The following TMEM114 variants were observed in gnomAD, a reference collection of about 807,000 sequenced individuals.
TMEM114 encodes claudin-26.
In TMEM114, 6 loss-of-function variants were observed where a neutral mutation model predicts 6.2. The ratio of observed to expected loss-of-function variants is 0.97; its 90% CI spans 0.53 to 1.91. The LOEUF is 1.91. TMEM114 is among the 40% of genes most tolerant of loss of function. The pLI, the probability that TMEM114 is intolerant of heterozygous loss-of-function variation, is 0.01. For synonymous variants in TMEM114, 104 were observed against 73.0 expected, an observed-to-expected ratio of 1.42 and a Z score of -2.16; for missense variants, 218 against 158.3, an observed-to-expected ratio of 1.38 and a Z score of -2.02.
chr16:8,551,376 G>A (rs1323721508), intron 2 of TMEM114, among the ~76,000 whole-genome samples: 1 of 152,176 alleles, frequency 6.6e-6, no homozygotes, highest in Non-Finnish European at 1.5e-5. Flanking sequence ...GACCCTGACT[G>A]AGCAAGTGGC....
exon 3 of TMEM114, chr16:8,537,637 T>A (rs1048995540): frequency 6.6e-6 from 1 of 152,232 alleles, no homozygotes; most frequent in African/African-American, 2.4e-5. Context: ...ATGTATAGAT[T>A]CTATTTTTCA....
chr16:8,533,404 G>A (rs1250034209), downstream of TMEM114, among the ~76,000 whole-genome samples: 3 of 152,196 alleles, frequency 2.0e-5, no homozygotes, highest in Admixed American at 6.5e-5. Flanking sequence ...TGAGTTCATG[G>A]AAGATGGGCC....
At chr16:8,568,923 C>A (rs1901630555), downstream of TMEM114, among the ~76,000 whole-genome samples, 1 of 152,250 alleles carries the variant, frequency 6.6e-6, no homozygotes, top group Non-Finnish European at 1.5e-5. Flanking sequence ...TTAATAAACG[C>A]CCCACCTCGG....
intron 2 of TMEM114, among the ~76,000 whole-genome samples, chr16:8,552,632 G>C (rs1025272635): frequency 6.6e-6 from 1 of 151,686 alleles, no homozygotes; most frequent in Non-Finnish European, 1.5e-5. Flanking sequence ...GGAAAGATAA[G>C]TGAAGGGTTC....
At chr16:8,587,702 A>T (rs1438160453) in intron 2 of TMEM114, among the ~76,000 whole-genome samples, 3 of 152,232 alleles carry the variant, frequency 2.0e-5, no homozygotes, top group Non-Finnish European at 4.4e-5. Flanking sequence ...TAAGTCTATC[A>T]AAAACTGCTC....
downstream of TMEM114, among the ~76,000 whole-genome samples, chr16:8,537,017 G>T (rs534607181): frequency 3.3e-5 from 5 of 152,032 alleles, no homozygotes; most frequent in East Asian, 9.7e-4. Flanking sequence ...ACCAGCCTGG[G>T]CAACAAGATG....
intron 2 of TMEM114, among the ~76,000 whole-genome samples, chr16:8,543,061 C>T (rs1397942731): frequency 1.3e-5 from 2 of 152,068 alleles, no homozygotes; most frequent in Non-Finnish European, 2.9e-5. Flanking sequence ...AGAACACAGC[C>T]CTTCGAAAAC....
rs1017886178 is a variant in TMEM114, at chr16:8,579,755, TCA to T, written c.302-7533_302-7532del. Among the ~76,000 whole-genome samples the T allele has an allele frequency of 2.6e-5, 4 of 152,288 alleles. 1 individual carries two copies. Among genetic ancestry groups the T allele is most frequent in the Admixed American group, 2.6e-4 (4 of 15,298 alleles). On this transcript the variant is annotated intron_variant, in intron 2 of 3. Coordinates refer to ENST00000620492, the MANE Select transcript of TMEM114 (RefSeq NM_001146336.2). ...CAGGTGGGAGTTTTTAATTCCCATT[TCA>T]CAGGTGGGAAAATTGAGGTTCAAGG...
intron 2 of TMEM114, among the ~76,000 whole-genome samples, chr16:8,583,611 A>G (rs1169144453): frequency 6.6e-6 from 1 of 152,082 alleles, no homozygotes; most frequent in Non-Finnish European, 1.5e-5. Context: ...AGTTGGGTGT[A>G]ATGGTGCACA....
At chr16:8,583,906 G>A (rs2141699846) in intron 2 of TMEM114, among the ~76,000 whole-genome samples, 1 of 152,286 alleles carries the variant, frequency 6.6e-6, no homozygotes, top group East Asian at 1.9e-4. Context: ...CCTTATCTGT[G>A]GAGCTGATCC....
Position 8,569,823 on chromosome 16 carries a change from C to T in TMEM114, c.622G>A (p.Ala208Thr). 7.1e-6 allele frequency: 11 copies of T among 1,550,980 alleles called. No individual in the cohort carries two copies. The highest frequency in any genetic ancestry group is 9.6e-6 in the Non-Finnish European group (11 of 1,146,956). ...CTCAGGCTGAGCTCGCGGGCTGCTG[C>T]CAGGAAGGCTGCCCCGGTGAGCAGC... is the stretch of plus-strand genomic sequence containing the variant. ...AELLTGAAFL[A>T]AARELSLRRR... The change falls in exon 4 of 4, where the codon GCA (alanine) becomes ACA (threonine). Residue 208 changes from alanine to threonine, a missense_variant. Transcript: ENST00000620492.
chr16:8,534,914 G>C (rs908831137), downstream of TMEM114, among the ~76,000 whole-genome samples: 2 of 152,194 alleles, frequency 1.3e-5, no homozygotes, highest in African/African-American at 4.8e-5. Context: ...AGTAACATGT[G>C]CCCAGCACTT....
chr16:8,555,392 G>A (rs112373036), intron 2 of TMEM114, among the ~76,000 whole-genome samples: 4,551 of 152,296 alleles, frequency 0.03, 226 homozygotes, highest in African/African-American at 0.1. Flanking sequence ...TTTTGCAGTC[G>A]TCTTTATACC....
the TMEM114 span, among the ~76,000 whole-genome samples, chr16:8,530,351 CCCTTT>C: frequency 6.6e-6 from 1 of 152,178 alleles, no homozygotes; most frequent in Non-Finnish European, 1.5e-5. Flanking sequence ...TTGGACGTGA[CCCTTT>C]CAGTCTCTGG....
chr16:8,554,289 C>G (rs2141661999), intron 2 of TMEM114, among the ~76,000 whole-genome samples: 1 of 152,198 alleles, frequency 6.6e-6, no homozygotes, highest in African/African-American at 2.4e-5. Flanking sequence ...GACAGAGTGG[C>G]TCAAGCCTGC....
rs1428943169 is a variant in TMEM114, at chr16:8,572,085, A to G, written c.439+2T>C. ...AGAGCCCTAGGCAGGGTGGGCACCT[A>G]CCTCCAAAGAGGAAGAGAATTCCAG... is the stretch of plus-strand genomic sequence containing the variant. On this transcript the variant is annotated splice_donor_variant, in intron 3 of 3. Coordinates refer to ENST00000620492, the MANE Select transcript of TMEM114 (RefSeq NM_001146336.2). LOFTEE classifies it high-confidence loss of function. 2 of 1,542,512 alleles carry G rather than the reference A, an allele frequency of 1.3e-6. No individual in the cohort carries two copies. The highest frequency in any genetic ancestry group is 1.8e-6 in the Non-Finnish European group (2 of 1,142,416).
intron 2 of TMEM114, among the ~76,000 whole-genome samples, chr16:8,556,872 C>G (rs1416380893): frequency 6.6e-6 from 1 of 152,126 alleles, no homozygotes. Context: ...TTTTTAACAC[C>G]CTTCACATTG....
chr16:8,554,204 T>TC (rs1446985492), intron 2 of TMEM114, among the ~76,000 whole-genome samples: 2 of 152,086 alleles, frequency 1.3e-5, no homozygotes, highest in African/African-American at 2.4e-5. Flanking sequence ...TCTTTAATTT[T>TC]CCCCTTTATT....
At chr16:8,586,340 A>C (rs1422943437) in intron 2 of TMEM114, among the ~76,000 whole-genome samples, 4 of 152,060 alleles carry the variant, frequency 2.6e-5, no homozygotes, top group Non-Finnish European at 5.9e-5. Flanking sequence ...TGGAAGTCTA[A>C]CCATATCCCT....
Sources: allele counts gnomAD v4.1 joint callset (sites outside exome capture counted in the v4.1 genomes callset), GRCh38; gene constraint gnomAD v4.1.1; transcripts MANE v1.5; gene names NCBI Gene and HGNC (gene_info 2026-07-23, HGNC 2026-07-21).